The following PTPRD variants were observed in gnomAD, a reference collection of about 807,000 sequenced individuals.
PTPRD encodes the protein protein tyrosine phosphatase receptor type D.
In PTPRD, 34 loss-of-function variants were observed where a neutral mutation model predicts 214.5. The ratio of observed to expected loss-of-function variants is 0.16; its 90% CI spans 0.12 to 0.21. The LOEUF is 0.21. Among genes scored for constraint, PTPRD ranks in the 10% least tolerant of loss-of-function variants. PTPRD has a pLI of 1.00. For synonymous variants in PTPRD, 1,128 were observed against 845.7 expected, an observed-to-expected ratio of 1.33 and a Z score of -5.79; for missense variants, 2,545 against 2,398.7, an observed-to-expected ratio of 1.06 and a Z score of -1.27.
At chr9:10,523,620 T>G (rs10959144) in intron 2 of PTPRD, among the ~76,000 whole-genome samples, 11,925 of 128,562 alleles carry the variant, frequency 0.093, 1,070 homozygotes, top group Admixed American at 0.18. Flanking sequence ...TATATATATA[T>G]ATAGACAGAA....
At chr9:9,174,239 G>A (rs759705507) in intron 10 of PTPRD, among the ~76,000 whole-genome samples, 1 of 151,982 alleles carries the variant, frequency 6.6e-6, no homozygotes, top group Non-Finnish European at 1.5e-5. Flanking sequence ...CTTGAGGGCA[G>A]GTACCATTTT....
intron 9 of PTPRD, among the ~76,000 whole-genome samples, chr9:9,198,633 G>T (rs988184419): frequency 6.6e-6 from 1 of 152,108 alleles, no homozygotes; most frequent in South Asian, 2.1e-4. Context: ...GGATTACCGA[G>T]GAACATCAGC....
At chr9:8,517,518 C>T (rs1025249372) in intron 21 of PTPRD, among the ~76,000 whole-genome samples, 2 of 152,192 alleles carry the variant, frequency 1.3e-5, no homozygotes, top group South Asian at 2.1e-4. Flanking sequence ...GACCACTCTA[C>T]CATACTAGCT....
chr9:10,560,150 A>G (rs536824831), intron 2 of PTPRD, among the ~76,000 whole-genome samples: 2 of 152,300 alleles, frequency 1.3e-5, no homozygotes, highest in African/African-American at 4.8e-5. Context: ...AAAGACATGG[A>G]ACCAACCCAA....
rs185758570 is a variant in PTPRD, at chr9:8,656,374, C to G, written c.65-19530G>C. On this transcript the variant is annotated intron_variant, in intron 12 of 45. Transcript: ENST00000381196. ...TCCACTTTCAGAGCCATCTCAAATG[C>G]CTTCTCCTGGGTGAAATCTTTTCTA... Among the ~76,000 whole-genome samples, 192 of 152,298 alleles carry G rather than the reference C, an allele frequency of 1.3e-3. 2 individuals carry two copies. In the East Asian group the frequency reaches 0.02, roughly 16 times the overall value.
chr9:9,247,558 C>T (rs558915657), intron 9 of PTPRD, among the ~76,000 whole-genome samples: 5 of 152,100 alleles, frequency 3.3e-5, no homozygotes, highest in South Asian at 4.2e-4. Flanking sequence ...CAAATCAAAA[C>T]GAATTTAAAA....
At chr9:9,160,976 T>A (rs2099887300) in intron 10 of PTPRD, among the ~76,000 whole-genome samples, 1 of 152,164 alleles carries the variant, frequency 6.6e-6, no homozygotes, top group South Asian at 2.1e-4. Flanking sequence ...ATGCAGAATC[T>A]AACAAATTTG....
intron 9 of PTPRD, among the ~76,000 whole-genome samples, chr9:9,239,198 G>GAAA (rs34214521): frequency 3.4e-4 from 46 of 137,130 alleles, no homozygotes; most frequent in African/African-American, 1.2e-3. Context: ...ATGACTGTCT[G>GAAA]AAAAAAAAAA....
At chr9:9,588,341 C>G (rs549427789) in intron 7 of PTPRD, among the ~76,000 whole-genome samples, 3 of 152,054 alleles carry the variant, frequency 2.0e-5, no homozygotes, top group African/African-American at 7.2e-5. Flanking sequence ...TACTGAGTTA[C>G]ATTTTCTATT....
At chr9:8,772,691 G>C (rs1470879009) in intron 11 of PTPRD, among the ~76,000 whole-genome samples, 1 of 152,046 alleles carries the variant, frequency 6.6e-6, no homozygotes. Flanking sequence ...TAATGTTCTT[G>C]TCTGCTAACT....
chr9:9,923,249 G>GTTT (rs34163446), intron 5 of PTPRD, among the ~76,000 whole-genome samples: 424 of 145,914 alleles, frequency 2.9e-3, no homozygotes, highest in African/African-American at 9.1e-3. Flanking sequence ...CTTTCTGTTA[G>GTTT]TTTTTTTTTT....
chr9:9,906,033 G>T (rs774024936), intron 5 of PTPRD, among the ~76,000 whole-genome samples: 1 of 151,904 alleles, frequency 6.6e-6, no homozygotes, highest in Non-Finnish European at 1.5e-5. Context: ...CAGCTGAGAA[G>T]CATGTTGTAA....
chr9:8,964,961 G>T (rs1488841886), intron 11 of PTPRD, among the ~76,000 whole-genome samples: 5 of 152,092 alleles, frequency 3.3e-5, no homozygotes. Flanking sequence ...CTTGCTTTAT[G>T]ACCAAGCATG....
At chr9:8,575,605 A>G (rs1438789765) in intron 14 of PTPRD, among the ~76,000 whole-genome samples, 2 of 152,174 alleles carry the variant, frequency 1.3e-5, no homozygotes, top group African/African-American at 4.8e-5. Flanking sequence ...GAAGAGATAT[A>G]TTCGTTTATT....
At chr9:10,608,522 T>G (rs1291230151) in intron 2 of PTPRD, among the ~76,000 whole-genome samples, 2 of 152,102 alleles carry the variant, frequency 1.3e-5, no homozygotes, top group Non-Finnish European at 2.9e-5. Flanking sequence ...CCCTAACTCC[T>G]ACAGGATTCT....
At chr9:10,587,572 C>A (rs1433588378) in intron 2 of PTPRD, among the ~76,000 whole-genome samples, 1 of 151,898 alleles carries the variant, frequency 6.6e-6, no homozygotes, top group Non-Finnish European at 1.5e-5. Flanking sequence ...GTTAAAAATA[C>A]CTGATCCAGA....
chr9:8,698,711 G>A (rs1274554574), intron 12 of PTPRD, among the ~76,000 whole-genome samples: 1 of 152,110 alleles, frequency 6.6e-6, no homozygotes, highest in Non-Finnish European at 1.5e-5. Context: ...TCTCCAGGGA[G>A]AGCATACAGA....
At chr9:10,361,043 A>G (rs1000434598) in intron 2 of PTPRD, among the ~76,000 whole-genome samples, 9 of 152,164 alleles carry the variant, frequency 5.9e-5, no homozygotes, top group African/African-American at 9.6e-5. Flanking sequence ...CGGAGCTTGT[A>G]GTGAGCCGAG....
chr9:10,385,791 A>G (rs2097903529), intron 2 of PTPRD, among the ~76,000 whole-genome samples: 1 of 151,886 alleles, frequency 6.6e-6, no homozygotes, highest in African/African-American at 2.4e-5. Context: ...AATGAACATT[A>G]TGAGATTCTC....
Sources: gnomAD v4.1 joint callset for allele counts (sites outside exome capture counted in the v4.1 genomes callset) on GRCh38, gnomAD v4.1.1 for gene constraint, MANE v1.5 for transcripts, NCBI Gene and HGNC (gene_info 2026-07-23, HGNC 2026-07-21) for gene names.